The following EFCAB8 variants were observed in gnomAD, a reference collection of about 807,000 sequenced individuals.
The protein encoded by EFCAB8 is EF-hand calcium binding domain 8, also known as EF-hand calcium-binding domain-containing protein 8.
EFCAB8 carries 100 observed loss-of-function variants against 116.3 expected under a neutral mutation model. The ratio of observed to expected loss-of-function variants is 0.86; its 90% CI spans 0.73 to 1.02. The LOEUF (loss-of-function observed/expected upper bound fraction) is 1.02. Among genes scored for constraint, EFCAB8 ranks in the 50% least tolerant of loss-of-function variants. The pLI, the probability that EFCAB8 is intolerant of heterozygous loss-of-function variation, is 0.00. For missense variants in EFCAB8, 1,320 were observed against 1,416.9 expected (o/e 0.93, Z 1.10); for synonymous variants, 558 against 567.9 (o/e 0.98, Z 0.25).
intron 7 of EFCAB8, among the ~76,000 whole-genome samples, chr20:32,890,153 C>A (rs1170573374): frequency 6.6e-6 from 1 of 152,164 alleles, no homozygotes; most frequent in Non-Finnish European, 1.5e-5. Flanking sequence ...GTCTGTGAGG[C>A]CTTCAGAGGT....
intron 8 of EFCAB8, among the ~76,000 whole-genome samples, chr20:32,892,950 C>T (rs574542680): frequency 3.0e-4 from 45 of 151,788 alleles, no homozygotes; most frequent in African/African-American, 1.0e-3. Context: ...AAGTGATTCT[C>T]CTGCCTCAGC....
intron 20 of EFCAB8, among the ~76,000 whole-genome samples, chr20:32,923,771 C>G (rs1389644717): frequency 6.6e-6 from 1 of 152,122 alleles, no homozygotes; most frequent in Non-Finnish European, 1.5e-5. Context: ...ACGGTGTTTA[C>G]GGAGCCATGG....
At chr20:32,881,122 A>T (rs1985315537) in intron 5 of EFCAB8, among the ~76,000 whole-genome samples, 1 of 152,212 alleles carries the variant, frequency 6.6e-6, no homozygotes, top group Non-Finnish European at 1.5e-5. Context: ...AGGTTCCAAA[A>T]GCCGGAGTTG....
intron 26 of EFCAB8, 23 bp from the exon 27 acceptor site, chr20:32,961,113 G>T (rs946661821): frequency 1.3e-6 from 2 of 1,547,616 alleles, no homozygotes; most frequent in Admixed American, 2.0e-5. Context: ...CCCCATTCCC[G>T]CTCCCCACTC....
At chr20:32,960,975 G>C (rs1309257236) in intron 26 of EFCAB8, among the ~76,000 whole-genome samples, 161 bp from the exon 27 acceptor site, 2 of 152,198 alleles carry the variant, frequency 1.3e-5, no homozygotes, top group South Asian at 4.1e-4. Flanking sequence ...GCATGGGCCC[G>C]CAGGCCACGG....
At chr20:32,932,148 G>C (rs1295203462) in intron 22 of EFCAB8, among the ~76,000 whole-genome samples, 1 of 152,170 alleles carries the variant, frequency 6.6e-6, no homozygotes, top group Non-Finnish European at 1.5e-5. Flanking sequence ...GGAGGCCAAG[G>C]CTGGTGGATC....
Position 32,893,276 on chromosome 20 carries a change from C to T in EFCAB8, c.861C>T (p.Ile287=), listed in dbSNP as rs1986005930. Residue 287 remains isoleucine, a synonymous_variant, in exon 9 of 27, where the codon ATC becomes ATT. Transcript: ENST00000400522. ...CCAGTGGGCTGTTCAACCCCCGTAT[C>T]CTCCCCAGGGCCTCCAAGTGGGGTA... The part of the protein sequence containing the change: ...NMTSGLFNPR[I]LPRASKWDHW... The T allele has an allele frequency of 3.9e-6, 6 of 1,551,874 alleles. No individual in the cohort carries two copies. The highest frequency in any genetic ancestry group is 5.2e-6 in the Non-Finnish European group (6 of 1,147,036).
rs922348995 is a variant in EFCAB8, at chr20:32,889,345, T to C, written c.612T>C (p.Ile204=). The part of the protein sequence containing the change: ...QQLYNQPMWV[I]DMVCLHNMNL... Reference sequence around the variant, plus strand: ...TCTACAACCAGCCGATGTGGGTCATTGACATGGTATGTCTGCACAATATGA... The same window carrying C: ...TCTACAACCAGCCGATGTGGGTCATCGACATGGTATGTCTGCACAATATGA... Residue 204 remains isoleucine, a synonymous_variant, in exon 7 of 27, where the codon ATT becomes ATC. Coordinates refer to ENST00000400522, the MANE Select transcript of EFCAB8 (RefSeq NM_001143967.2). 7.1e-6 allele frequency: 11 copies of C among 1,551,854 alleles called. No homozygotes were observed. The highest frequency in any genetic ancestry group is 9.6e-6 in the Non-Finnish European group (11 of 1,147,020).
chr20:32,863,843 G>A lies in EFCAB8; in HGVS notation c.42+9G>A, dbSNP rs754135756. On this transcript the variant is annotated intron_variant, in intron 2 of 26. Coordinates refer to ENST00000400522, the MANE Select transcript of EFCAB8 (RefSeq NM_001143967.2). ...TCCCTCAACTCCAAAAGGTAAGAAA[G>A]ACAATTATCTGAACTAATAAAGGGT... The A allele has an allele frequency of 2.6e-6, 4 of 1,551,236 alleles. No homozygotes were observed. The highest frequency in any genetic ancestry group is 2.4e-5 in the South Asian group (2 of 83,970).
chr20:32,941,225 CTGGGCAACA>C (rs1354419826), intron 22 of EFCAB8, among the ~76,000 whole-genome samples: 3 of 147,812 alleles, frequency 2.0e-5, no homozygotes, highest in Admixed American at 2.0e-4. Context: ...GCGTTCCAGT[CTGGGCAACA>C]AGAGCAAAAC....
At chr20:32,893,469 A>G (rs1986015577) in intron 9 of EFCAB8, among the ~76,000 whole-genome samples, 171 bp downstream of exon 9, 1 of 151,796 alleles carries the variant, frequency 6.6e-6, no homozygotes, top group African/African-American at 2.4e-5. Flanking sequence ...ACAGAGGGAG[A>G]GGCGATGGGG....
chr20:32,911,584 C>T lies in EFCAB8; in HGVS notation c.1662C>T (p.Thr554=), dbSNP rs181994580. 5.1e-4 allele frequency: 792 copies of T among 1,548,618 alleles called. 5 individuals are homozygous for T. The African/African-American group carries it at 9.5e-3, about 19-fold the overall frequency. ...CTGGGGGCCAGCACGTGGAGATGAC[C>T]GCCATGGCCCTGGATGAGTCAGAGC... ...AVSGGQHVEM[T]AMALDESERC... is the part of the protein sequence containing the mutation. The change falls in exon 16 of 27, where the codon ACC becomes ACT. Residue 554 remains threonine (T), a synonymous_variant. Coordinates refer to ENST00000400522, the MANE Select transcript of EFCAB8 (RefSeq NM_001143967.2).
intron 8 of EFCAB8, 60 bp downstream of exon 8, chr20:32,892,357 C>T (rs889273801): frequency 1.4e-5 from 21 of 1,500,208 alleles, no homozygotes; most frequent in Admixed American, 8.0e-5. Context: ...CTGCAGCAGC[C>T]GCATCACTGA....
At position 32,939,407 on chromosome 20, in the gene EFCAB8, C is replaced by A. The variant is rs1465081893; in HGVS notation, c.2791-4229C>A. 1.7e-4 allele frequency among the ~76,000 whole-genome samples: 25 copies of A among 146,572 alleles called. 1 individual carries two copies. The highest frequency in any genetic ancestry group is 2.6e-4 in the Non-Finnish European group (17 of 66,432). ...AAACGATTTTCCTGCCTCAGCCTCC[C>A]AAGTAGCTGGGACTACAGGCATGTG... is the stretch of plus-strand genomic sequence containing the variant. On this transcript the variant is annotated intron_variant, in intron 22 of 26. Coordinates refer to ENST00000400522, the MANE Select transcript of EFCAB8 (RefSeq NM_001143967.2).
intron 23 of EFCAB8, among the ~76,000 whole-genome samples, chr20:32,957,387 T>C (rs894745885): frequency 6.6e-6 from 1 of 152,140 alleles, no homozygotes; most frequent in African/African-American, 2.4e-5. Context: ...TTGATATTAT[T>C]TCCCCCAGAG....
chr20:32,892,161 G>A (rs1985950345), intron 7 of EFCAB8, 52 bp from the exon 8 acceptor site: 2 of 1,486,724 alleles, frequency 1.3e-6, no homozygotes, highest in Middle Eastern at 1.7e-4. Flanking sequence ...TGTGACTGAA[G>A]ACCTCCCAGG....
intron 5 of EFCAB8, among the ~76,000 whole-genome samples, chr20:32,882,435 A>G (rs1412913215): frequency 1.3e-5 from 2 of 152,248 alleles, no homozygotes; most frequent in African/African-American, 4.8e-5. Context: ...TGGGGTAAAG[A>G]GGCTCATAGC....
At chr20:32,860,234 G>T (rs1474662156) in intron 1 of EFCAB8, among the ~76,000 whole-genome samples, 16 of 152,086 alleles carry the variant, frequency 1.1e-4, no homozygotes. Context: ...TCAGAATCTG[G>T]GAGGTGGAGG....
intron 15 of EFCAB8, 49 bp downstream of exon 15, chr20:32,909,980 C>T (rs1276468593): frequency 2.1e-5 from 22 of 1,044,620 alleles, no homozygotes; most frequent in Non-Finnish European, 2.6e-5. Flanking sequence ...CACCAGGTGA[C>T]ACGGGGCAGA....
Sources: gnomAD v4.1 joint callset for allele counts (sites outside exome capture counted in the v4.1 genomes callset) on GRCh38, gnomAD v4.1.1 for gene constraint, MANE v1.5 for transcripts, NCBI Gene and HGNC (gene_info 2026-07-23, HGNC 2026-07-21) for gene names.